The following ITGA1 variants were observed in gnomAD, a reference collection of about 807,000 sequenced individuals.
ITGA1 encodes integrin alpha-1.
ITGA1 carries 85 observed loss-of-function variants against 145.9 expected under a neutral mutation model. The ratio of observed to expected loss-of-function variants is 0.58; its 90% CI spans 0.49 to 0.70. The LOEUF (loss-of-function observed/expected upper bound fraction) is 0.70, where lower values mean the gene tolerates loss of function less well. Ranked by LOEUF, ITGA1 falls within the 30% of genes least tolerant of loss-of-function variation. The pLI, the probability that ITGA1 is intolerant of heterozygous loss-of-function variation, is 0.00. For synonymous variants in ITGA1, 520 were observed against 495.3 expected, an observed-to-expected ratio of 1.05 and a Z score of -0.66; for missense variants, 1,351 against 1,418.7, an observed-to-expected ratio of 0.95 and a Z score of 0.77.
intron 2 of ITGA1, among the ~76,000 whole-genome samples, chr5:52,851,001 A>C (rs990148771): frequency 1.3e-5 from 2 of 152,190 alleles, no homozygotes; most frequent in Admixed American, 6.6e-5. Flanking sequence ...GTTATTCTTA[A>C]AAAGCTTAAC....
intron 14 of ITGA1, among the ~76,000 whole-genome samples, chr5:52,914,894 C>T (rs751013295): frequency 3.3e-5 from 5 of 152,174 alleles, no homozygotes; most frequent in Non-Finnish European, 5.9e-5. Context: ...TCATTTGTGC[C>T]ATCTCAACGT....
At chr5:52,891,600 C>T (rs1438486163) in intron 8 of ITGA1, among the ~76,000 whole-genome samples, 1 of 140,636 alleles carries the variant, frequency 7.1e-6, no homozygotes. Flanking sequence ...CTTCAGGTAA[C>T]ACTTGCAACT....
At chr5:52,871,157 C>G (rs941806368) in intron 6 of ITGA1, among the ~76,000 whole-genome samples, 3 of 152,132 alleles carry the variant, frequency 2.0e-5, no homozygotes, top group Non-Finnish European at 4.4e-5. Context: ...ACTACAAATG[C>G]GCTTTGATGT....
chr5:52,801,281 A>G (rs1748475295), intron 1 of ITGA1: 1 of 1,145,226 alleles, frequency 8.7e-7, no homozygotes, highest in Non-Finnish European at 1.2e-6. Context: ...ATGTCTAGCA[A>G]ATTTATGGAG....
At chr5:52,801,009 C>T (rs983191126) in intron 1 of ITGA1, 1 of 1,614,054 alleles carries the variant, frequency 6.2e-7, no homozygotes, top group Non-Finnish European at 8.5e-7. Context: ...TAAAGTGCAT[C>T]CTGGTGGCCA....
At chr5:52,872,575 A>ATTTTT (rs58664401) in intron 6 of ITGA1, among the ~76,000 whole-genome samples, 2,490 of 98,308 alleles carry the variant, frequency 0.025, 186 homozygotes, top group African/African-American at 0.086. Context: ...GCCTCAGTCA[A>ATTTTT]TTTTTTTTTT....
In ITGA1 at chr5:52,788,394, C is replaced by T. The variant is rs1748169110; in HGVS notation, c.41C>T (p.Ala14Val). 1 of 1,513,214 alleles carries T rather than the reference C, an allele frequency of 6.6e-7. No homozygotes were observed. The highest frequency in any genetic ancestry group is 8.8e-7 in the Non-Finnish European group (1 of 1,133,720). The allele number at this position is 1,513,214 out of a possible 1,614,324, so 93.7% of individuals were successfully genotyped here. Reference sequence around the variant, plus strand: ...CGCGCCCGCCCAGGGGTCGCTGTCGCCTGCTGCTGGCTCCTCACTGGTGAG... The same window carrying T: ...CGCGCCCGCCCAGGGGTCGCTGTCGTCTGCTGCTGGCTCCTCACTGGTGAG... The part of the protein sequence containing the change: ...RPRARPGVAV[A>V]CCWLLTVVLR... Residue 14 changes from alanine to valine, a missense_variant, in exon 1 of 29, where the codon GCC (alanine) becomes GTC (valine). Transcript: ENST00000282588.
chr5:52,837,624 C>T (rs1296116383), intron 1 of ITGA1, among the ~76,000 whole-genome samples: 1 of 151,894 alleles, frequency 6.6e-6, no homozygotes, highest in Non-Finnish European at 1.5e-5. Flanking sequence ...AGAATGCTTC[C>T]ATTTAAGGGA....
chr5:52,893,773 T>C lies in ITGA1; in HGVS notation c.1023T>C (p.Asn341=), dbSNP rs2111824541. 6.2e-7 allele frequency: 1 copy of C among 1,612,884 alleles called. No homozygotes were observed. Among genetic ancestry groups the C allele is most frequent in the Non-Finnish European group, 8.5e-7 (1 of 1,179,044 alleles). Residue 341 remains asparagine, a synonymous_variant, in exon 9 of 29, where the codon AAT becomes AAC. Transcript: ENST00000282588. The part of the protein sequence containing the change: ...ASEPTEKHFF[N]VSDELALVTI... The stretch of plus-strand genomic sequence containing the variant: ...AACCCACTGAAAAGCATTTCTTCAA[T>C]GTCTCTGATGAATTGGCTCTAGTCA...
intron 1 of ITGA1, among the ~76,000 whole-genome samples, chr5:52,788,803 C>T (rs1169758291): frequency 1.3e-5 from 2 of 152,132 alleles, no homozygotes; most frequent in South Asian, 2.1e-4. Flanking sequence ...GCGCCTGATA[C>T]ATATGCAAAA....
At chr5:52,813,596 C>T (rs1748717136) in intron 1 of ITGA1, among the ~76,000 whole-genome samples, 1 of 152,162 alleles carries the variant, frequency 6.6e-6, no homozygotes, top group African/African-American at 2.4e-5. Context: ...ATGGAATAGC[C>T]ACCCCCAGAC....
intron 1 of ITGA1, among the ~76,000 whole-genome samples, chr5:52,790,449 A>G (rs1166336724): frequency 6.6e-6 from 1 of 152,212 alleles, no homozygotes; most frequent in African/African-American, 2.4e-5. Flanking sequence ...CAGAAGTATC[A>G]CTGGGCTAGA....
chr5:52,861,262 T>A (rs540460271), intron 2 of ITGA1, among the ~76,000 whole-genome samples, 185 bp from the exon 3 acceptor site: 42 of 152,314 alleles, frequency 2.8e-4, no homozygotes, highest in African/African-American at 9.6e-4. Context: ...TATATACTTT[T>A]TAATCCACAT....
intron 11 of ITGA1, among the ~76,000 whole-genome samples, chr5:52,899,056 G>A (rs970298277): frequency 1.2e-4 from 18 of 152,088 alleles, no homozygotes; most frequent in African/African-American, 4.3e-4. Flanking sequence ...CAACAGTTGG[G>A]AGGACCTAAA....
chr5:52,821,906 C>T lies in ITGA1; in HGVS notation c.62-27459C>T, dbSNP rs989580158. On this transcript the variant is annotated intron_variant, in intron 1 of 28. Coordinates refer to ENST00000282588, the MANE Select transcript of ITGA1 (RefSeq NM_181501.2). ...ATGGACTTTGAGTTGACTGCCCCAA[C>T]TCTGTTTTTATCATAAGCTGTATGA... is the stretch of plus-strand genomic sequence containing the variant. 2.6e-5 allele frequency among the ~76,000 whole-genome samples: 4 copies of T among 152,136 alleles called. No individual in the cohort carries two copies. In the East Asian group the frequency reaches 7.7e-4, roughly 29 times the overall value.
At chr5:52,862,471 T>C (rs1749623078) in intron 3 of ITGA1, among the ~76,000 whole-genome samples, 1 of 152,176 alleles carries the variant, frequency 6.6e-6, no homozygotes, top group African/African-American at 2.4e-5. Flanking sequence ...TCAAGGAGCA[T>C]ACATAAATTA....
intron 1 of ITGA1, among the ~76,000 whole-genome samples, chr5:52,830,279 T>C (rs1344763725): frequency 6.6e-6 from 1 of 152,188 alleles, no homozygotes; most frequent in Non-Finnish European, 1.5e-5. Flanking sequence ...TCTCAGTTTT[T>C]CTTTTTTGGA....
In ITGA1 at chr5:52,887,874, T is replaced by C; in HGVS notation, c.833T>C (p.Ile278Thr). 1 of 1,614,128 alleles carries C rather than the reference T, an allele frequency of 6.2e-7. No homozygotes were observed. The highest frequency in any genetic ancestry group is 1.3e-5 in the African/African-American group (1 of 75,064). Residue 278 changes from isoleucine to threonine, a missense_variant, in exon 8 of 29, where the codon ATT becomes ACT. Coordinates refer to ENST00000282588, the MANE Select transcript of ITGA1 (RefSeq NM_181501.2). ...AGAGGAGTTAAAAAAGTCATGGTTATTGTGACAGATGGAGAGTCTCATGAC... is the reference window on the plus strand; with the variant it reads ...AGAGGAGTTAAAAAAGTCATGGTTACTGTGACAGATGGAGAGTCTCATGAC... ...ARRGVKKVMV[I>T]VTDGESHDNH...
chr5:52,817,809 C>T (rs1476910423), intron 1 of ITGA1, among the ~76,000 whole-genome samples: 1 of 152,066 alleles, frequency 6.6e-6, no homozygotes, highest in Non-Finnish European at 1.5e-5. Flanking sequence ...TTATAATATA[C>T]ATATTTTAAA....
Sources: gnomAD v4.1 joint callset for allele counts (sites outside exome capture counted in the v4.1 genomes callset) on GRCh38, gnomAD v4.1.1 for gene constraint, MANE v1.5 for transcripts, NCBI Gene and HGNC (gene_info 2026-07-23, HGNC 2026-07-21) for gene names.